GPC5: variants seen among roughly 807,000 people sequenced by gnomAD.
GPC5 encodes glypican 5.
GPC5 carries 47 observed loss-of-function variants against 53.9 expected under a neutral mutation model. The ratio of observed to expected loss-of-function variants is 0.87; its 90% CI spans 0.69 to 1.11. The LOEUF is 1.11. Ranked by LOEUF, GPC5 falls within the 50% of genes most tolerant of loss-of-function variation. The pLI, the probability that GPC5 is intolerant of heterozygous loss-of-function variation, is 0.00. For synonymous variants in GPC5, 286 were observed against 263.3 expected, an observed-to-expected ratio of 1.09 and a Z score of -0.84; for missense variants, 748 against 713.1, an observed-to-expected ratio of 1.05 and a Z score of -0.56.
intron 7 of GPC5, among the ~76,000 whole-genome samples, chr13:92,584,836 G>C (rs1181196313): frequency 1.3e-5 from 2 of 152,128 alleles, no homozygotes; most frequent in African/African-American, 4.8e-5. Flanking sequence ...ACTAAAAGGG[G>C]CCAACGTACA....
chr13:91,564,994 G>GC (rs1555324943), intron 2 of GPC5, among the ~76,000 whole-genome samples: 1 of 2,354 alleles, frequency 4.2e-4, no homozygotes, highest in African/African-American at 7.3e-4. Context: ...GCTTTTTTTT[G>GC]GGGGGGGGTC....
At chr13:92,241,398 A>G (rs1440050743) in intron 7 of GPC5, 5 of 152,192 alleles carry the variant, frequency 3.3e-5, no homozygotes, top group Non-Finnish European at 5.9e-5. Context: ...AGAAGGATAA[A>G]ATTTTATGAG....
At chr13:92,797,819 TGATAGATAGATAGATAGATAGATA>T (rs10553721) in intron 7 of GPC5, among the ~76,000 whole-genome samples, 5 of 143,494 alleles carry the variant, frequency 3.5e-5, no homozygotes, top group African/African-American at 1.3e-4. Context: ...ATTCAAGGGA[TGATAGATAGATAGATAGATAGATA>T]GATAGATAGA....
chr13:92,192,271 A>G (rs1209331998), intron 7 of GPC5, among the ~76,000 whole-genome samples: 1 of 152,204 alleles, frequency 6.6e-6, no homozygotes, highest in Non-Finnish European at 1.5e-5. Context: ...TGGTTCATTT[A>G]TTAAAACAAA....
chr13:92,507,040 A>G (rs1049134853), intron 7 of GPC5, among the ~76,000 whole-genome samples: 4 of 152,294 alleles, frequency 2.6e-5, no homozygotes, highest in African/African-American at 7.2e-5. Flanking sequence ...CCATGTCTTC[A>G]TGCTTTGCAC....
intron 6 of GPC5, among the ~76,000 whole-genome samples, chr13:91,927,023 C>T (rs2039775845): frequency 6.6e-6 from 1 of 152,080 alleles, no homozygotes; most frequent in Non-Finnish European, 1.5e-5. Context: ...ACAAATATTT[C>T]TCAATATTTT....
chr13:91,610,525 A>G (rs1297691086), intron 2 of GPC5, among the ~76,000 whole-genome samples: 2 of 152,198 alleles, frequency 1.3e-5, no homozygotes, highest in Non-Finnish European at 2.9e-5. Flanking sequence ...TTTTGTGGCG[A>G]TATCAGCATT....
At chr13:92,725,949 T>A (rs181078332) in intron 7 of GPC5, among the ~76,000 whole-genome samples, 19 of 151,744 alleles carry the variant, frequency 1.3e-4, no homozygotes, top group African/African-American at 4.6e-4. Context: ...AGGTCACAAG[T>A]GTTTCCTGAA....
intron 7 of GPC5, among the ~76,000 whole-genome samples, chr13:92,729,731 A>G (rs1246308476): frequency 6.6e-6 from 1 of 151,372 alleles, no homozygotes; most frequent in East Asian, 1.9e-4. Flanking sequence ...TGCTTAAGTC[A>G]CAAAGTAAGA....
At chr13:92,112,788 T>G (rs1223065218) in intron 6 of GPC5, among the ~76,000 whole-genome samples, 1 of 152,094 alleles carries the variant, frequency 6.6e-6, no homozygotes, top group African/African-American at 2.4e-5. Context: ...GAGCATAGTA[T>G]AGGTTGAAAA....
At chr13:92,441,661 AAC>A (rs1177387547) in intron 7 of GPC5, among the ~76,000 whole-genome samples, 1 of 152,184 alleles carries the variant, frequency 6.6e-6, no homozygotes, top group African/African-American at 2.4e-5. Flanking sequence ...GATACTATGA[AAC>A]ACTGCTGAAA....
intron 2 of GPC5, among the ~76,000 whole-genome samples, chr13:91,449,595 A>G (rs980329342): frequency 1.3e-5 from 2 of 152,128 alleles, no homozygotes; most frequent in Non-Finnish European, 2.9e-5. Flanking sequence ...TATGGTTTTC[A>G]TAAGAACACC....
chr13:91,524,158 T>C (rs1265500374), intron 2 of GPC5, among the ~76,000 whole-genome samples: 1 of 152,100 alleles, frequency 6.6e-6, no homozygotes, highest in Non-Finnish European at 1.5e-5. Flanking sequence ...ATCTGTTGTC[T>C]AACCACCAAC....
chr13:92,558,050 A>G (rs1297052518), intron 7 of GPC5, among the ~76,000 whole-genome samples: 1 of 152,046 alleles, frequency 6.6e-6, no homozygotes, highest in East Asian at 1.9e-4. Flanking sequence ...CCGAGGTACT[A>G]AAAGAAGATT....
Position 92,751,302 on chromosome 13 carries a change from T to TAAAAAAAAA in GPC5, c.1562-114980_1562-114979insAAAAAAAAA, listed in dbSNP as rs1566400471. On this transcript the variant is annotated intron_variant, in intron 7 of 7. Coordinates refer to ENST00000377067, the MANE Select transcript of GPC5 (RefSeq NM_004466.6). ...AAAACCTTTGGTCATCCAGAAACAT[T>TAAAAAAAAA]TAAAAAAAAAAAAAAAAAAAAAAAA... Among the ~76,000 whole-genome samples the TAAAAAAAAA allele has an allele frequency of 6.8e-3, 233 of 34,390 alleles. 45 individuals carry two copies. The highest frequency in any genetic ancestry group is 0.026 in the Admixed American group (66 of 2,588). 22.6% of individuals were successfully genotyped at this position (34,390 alleles called of 152,430 possible). A position where few individuals can be genotyped will look rare whatever the true frequency, so the allele number is the denominator to read the frequency against.
intron 7 of GPC5, among the ~76,000 whole-genome samples, chr13:92,807,020 C>A (rs1333869695): frequency 6.6e-6 from 1 of 152,026 alleles, no homozygotes; most frequent in East Asian, 1.9e-4. Context: ...AAATGTACTA[C>A]ATTTTGTCCA....
At chr13:92,051,342 C>T (rs992119687) in intron 6 of GPC5, among the ~76,000 whole-genome samples, 2 of 151,722 alleles carry the variant, frequency 1.3e-5, no homozygotes, top group African/African-American at 4.8e-5. Context: ...GCTGGAACTA[C>T]AGGCGCACAC....
intron 7 of GPC5, among the ~76,000 whole-genome samples, chr13:92,336,774 G>A (rs886333755): frequency 3.3e-5 from 5 of 152,128 alleles, no homozygotes; most frequent in Non-Finnish European, 5.9e-5. Context: ...TGAACATTAA[G>A]TAAGTGAATG....
intron 2 of GPC5, among the ~76,000 whole-genome samples, chr13:91,561,351 C>G (rs1404389651): frequency 2.0e-5 from 3 of 152,110 alleles, no homozygotes; most frequent in Admixed American, 2.0e-4. Context: ...AATAGCAAAC[C>G]AGAAGCAATA....
Sources: allele counts gnomAD v4.1 joint callset (sites outside exome capture counted in the v4.1 genomes callset), GRCh38; gene constraint gnomAD v4.1.1; transcripts MANE v1.5; gene names NCBI Gene and HGNC (gene_info 2026-07-23, HGNC 2026-07-21).